The following EIF4E variants were observed in gnomAD, a reference collection of about 807,000 sequenced individuals.
EIF4E encodes eIF-4F 25 kDa subunit.
For synonymous variants in EIF4E, 71 were observed against 88.5 expected (o/e 0.80, Z 1.11); for missense variants, 113 against 265.6 (o/e 0.43, Z 3.99).
At chr4:98,896,571 G>T (rs967051632) in intron 2 of EIF4E, among the ~76,000 whole-genome samples, 5 of 148,170 alleles carry the variant, frequency 3.4e-5, no homozygotes, top group Non-Finnish European at 5.9e-5. Flanking sequence ...AGCTGATGTG[G>T]GAAGGTCATT....
rs1352254606 is a variant in EIF4E at position 98,887,566 on chromosome 4, A to G, written c.285+323T>C. 2.6e-5 allele frequency among the ~76,000 whole-genome samples: 4 copies of G among 152,190 alleles called. No individual in the cohort carries two copies. The highest frequency in any genetic ancestry group is 5.9e-5 in the Non-Finnish European group (4 of 68,022). On this transcript the variant is annotated intron_variant, in intron 4 of 6. Coordinates refer to ENST00000450253, the MANE Select transcript of EIF4E (RefSeq NM_001968.5). This position sits in a 1 kb window ranked among gnomAD's most constrained non-coding sequence, Gnocchi z 4.0. ...CTCTACCAACTGACAAAGCCCAATAATAAGTATTCCAAGGACCCATGCTCC... is the reference window on the plus strand; with the variant it reads ...CTCTACCAACTGACAAAGCCCAATAGTAAGTATTCCAAGGACCCATGCTCC...
At chr4:98,921,436 T>C (rs1317353209) in intron 1 of EIF4E, among the ~76,000 whole-genome samples, 3 of 151,998 alleles carry the variant, frequency 2.0e-5, no homozygotes, top group Non-Finnish European at 2.9e-5. Context: ...TGTCATCATC[T>C]CGGCTCACTG....
Position 98,884,699 on chromosome 4 carries a change from CTCTA to C in EIF4E, c.539+219_539+222del, listed in dbSNP as rs550434996. Among the ~76,000 whole-genome samples the C allele has an allele frequency of 2.7e-4, 41 of 152,110 alleles. No homozygotes were observed. In the South Asian group the frequency reaches 7.1e-3, roughly 26 times the overall value. ...ATATAGCCTGGACAACAGAGTGAGA[CTCTA>C]TCTCTAAATAAATAAATAAATAAAT... On this transcript the variant is annotated intron_variant, in intron 6 of 6. Transcript: ENST00000450253.
chr4:98,895,324 G>A (rs1724331714), intron 2 of EIF4E: 1 of 152,184 alleles, frequency 6.6e-6, no homozygotes, highest in Admixed American at 6.5e-5. Flanking sequence ...AGGTACGCCT[G>A]TATAATATTT....
intron 1 of EIF4E, among the ~76,000 whole-genome samples, chr4:98,913,035 G>A (rs949586203): frequency 2.6e-5 from 4 of 151,784 alleles, no homozygotes; most frequent in Non-Finnish European, 5.9e-5. Flanking sequence ...TGGTGAAACC[G>A]CGTCTCTACT....
At chr4:98,927,961 C>T (rs1310611418) in intron 1 of EIF4E, among the ~76,000 whole-genome samples, 1 of 152,128 alleles carries the variant, frequency 6.6e-6, no homozygotes, top group Admixed American at 6.6e-5. Context: ...AACTACAAAC[C>T]TACCCTGGGA....
chr4:98,891,636 T>C (rs1025707611), intron 2 of EIF4E: 1 of 316,804 alleles, frequency 3.2e-6, no homozygotes, highest in African/African-American at 2.2e-5. Context: ...ACAAAAAGAA[T>C]GGTGATTGCC....
intron 2 of EIF4E, among the ~76,000 whole-genome samples, chr4:98,897,969 G>A (rs533501450): frequency 1.3e-5 from 2 of 152,300 alleles, no homozygotes; most frequent in East Asian, 3.9e-4. Context: ...ACAGGTAAGA[G>A]ATCCATTCCA....
intron 1 of EIF4E, among the ~76,000 whole-genome samples, chr4:98,928,588 C>T (rs1579193811): frequency 6.6e-6 from 1 of 151,930 alleles, no homozygotes; most frequent in South Asian, 2.1e-4. Flanking sequence ...CTCCCCAGTC[C>T]ACCGGTCTAA....
At chr4:98,888,793 G>A (rs1724027228) in intron 3 of EIF4E, among the ~76,000 whole-genome samples, 1 of 152,160 alleles carries the variant, frequency 6.6e-6, no homozygotes. Context: ...TGTGTCTACA[G>A]ACCATGGATG....
chr4:98,924,242 C>G (rs916790082), intron 1 of EIF4E, among the ~76,000 whole-genome samples: 7 of 152,040 alleles, frequency 4.6e-5, no homozygotes, highest in African/African-American at 1.7e-4. Flanking sequence ...CCACGCCCAG[C>G]TAAGTTTTGT....
chr4:98,919,038 G>C (rs1461055444), intron 1 of EIF4E, among the ~76,000 whole-genome samples: 1 of 152,128 alleles, frequency 6.6e-6, no homozygotes, highest in South Asian at 2.1e-4. Flanking sequence ...CCTGGGTGTG[G>C]TGGCTCATGC....
intron 2 of EIF4E, among the ~76,000 whole-genome samples, chr4:98,898,033 T>C (rs1724483778): frequency 6.6e-6 from 1 of 152,030 alleles, no homozygotes; most frequent in African/African-American, 2.4e-5. Context: ...TAGAAAAAAA[T>C]TCTTGGATAT....
At chr4:98,921,853 G>A (rs1725654843) in intron 1 of EIF4E, among the ~76,000 whole-genome samples, 1 of 152,142 alleles carries the variant, frequency 6.6e-6, no homozygotes. Context: ...GCAAATGCCA[G>A]AAATCAAATT....
chr4:98,925,332 T>A (rs192562614), intron 1 of EIF4E, among the ~76,000 whole-genome samples: 11 of 152,322 alleles, frequency 7.2e-5, no homozygotes, highest in Admixed American at 6.5e-4. Context: ...AAAATTTTTT[T>A]AATTCTAATA....
At chr4:98,886,948 T>C in intron 5 of EIF4E, 131 bp downstream of exon 5, 1 of 903,566 alleles carries the variant, frequency 1.1e-6, no homozygotes, top group South Asian at 1.4e-5. Flanking sequence ...ACAAAAATAA[T>C]TACTGACCCT....
intron 1 of EIF4E, among the ~76,000 whole-genome samples, chr4:98,902,896 T>C (rs1042211864): frequency 5.9e-5 from 9 of 152,130 alleles, no homozygotes; most frequent in African/African-American, 2.2e-4. Context: ...CTTTGTAAAG[T>C]GATCAAGCCA....
intron 1 of EIF4E, among the ~76,000 whole-genome samples, chr4:98,905,401 A>C (rs1248121408): frequency 1.3e-5 from 2 of 152,130 alleles, no homozygotes; most frequent in African/African-American, 4.8e-5. Flanking sequence ...TCGTGTAACG[A>C]ATTTTAGGTG....
chr4:98,897,515 A>C (rs1724458897), intron 2 of EIF4E, among the ~76,000 whole-genome samples: 1 of 152,148 alleles, frequency 6.6e-6, no homozygotes, highest in African/African-American at 2.4e-5. Context: ...GCAGTGAGCC[A>C]AGATCGCACC....
Sources: allele counts gnomAD v4.1 joint callset (sites outside exome capture counted in the v4.1 genomes callset), GRCh38; gene constraint gnomAD v4.1.1; non-coding constraint Gnocchi (gnomAD v3.1); transcripts MANE v1.5; gene names NCBI Gene and HGNC (gene_info 2026-07-23, HGNC 2026-07-21).